PTPRD: variants seen among roughly 807,000 people sequenced by gnomAD.
PTPRD encodes receptor-type tyrosine-protein phosphatase delta.
A neutral mutation model predicts 214.5 loss-of-function variants in PTPRD; 34 were observed. The observed-to-expected ratio is 0.16, with a 90% confidence interval of 0.12 to 0.21. PTPRD has a LOEUF of 0.21. PTPRD is among the 10% of genes least tolerant of loss of function. PTPRD has a pLI of 1.00. For missense variants in PTPRD, 2,545 were observed against 2,398.7 expected, an observed-to-expected ratio of 1.06 and a Z score of -1.27; for synonymous variants, 1,128 against 845.7, an observed-to-expected ratio of 1.33 and a Z score of -5.79.
chr9:9,119,445 T>C (rs2099815532), intron 10 of PTPRD, among the ~76,000 whole-genome samples: 1 of 152,192 alleles, frequency 6.6e-6, no homozygotes. Flanking sequence ...AGATTCATAT[T>C]GAAATCCAGG....
intron 32 of PTPRD, among the ~76,000 whole-genome samples, chr9:8,464,616 G>C (rs1209428129): frequency 1.3e-5 from 2 of 151,960 alleles, no homozygotes; most frequent in Non-Finnish European, 2.9e-5. Context: ...GTCATATTTA[G>C]ACACCGATTA....
chr9:8,392,068 T>C (rs1409893650), intron 36 of PTPRD, among the ~76,000 whole-genome samples: 1 of 152,062 alleles, frequency 6.6e-6, no homozygotes, highest in Non-Finnish European at 1.5e-5. Flanking sequence ...CAGGAATCAA[T>C]ACTATCACTA....
chr9:9,305,521 A>AT (rs1956857956), intron 9 of PTPRD, among the ~76,000 whole-genome samples: 1 of 152,136 alleles, frequency 6.6e-6, no homozygotes, highest in African/African-American at 2.4e-5. Context: ...AATCAGATTG[A>AT]TAAATGCCAT....
chr9:10,212,399 A>G (rs954179183), intron 3 of PTPRD, among the ~76,000 whole-genome samples: 2 of 152,128 alleles, frequency 1.3e-5, no homozygotes, highest in Non-Finnish European at 2.9e-5. Context: ...ATGCTGTTAG[A>G]CCAAAAGAGC....
intron 9 of PTPRD, among the ~76,000 whole-genome samples, chr9:9,214,935 C>T (rs2133057348): frequency 6.6e-6 from 1 of 152,254 alleles, no homozygotes; most frequent in African/African-American, 2.4e-5. Flanking sequence ...AATGGAAGAA[C>T]TAGTATTTGA....
At chr9:10,598,670 ATGTATG>A (rs778677423) in intron 2 of PTPRD, among the ~76,000 whole-genome samples, 8 of 80,998 alleles carry the variant, frequency 9.9e-5, no homozygotes, top group East Asian at 5.2e-4. Context: ...ATTTTTATAT[ATGTATG>A]TGTGTGTGTG....
At chr9:9,909,461 TGA>T (rs1419425418) in intron 5 of PTPRD, among the ~76,000 whole-genome samples, 2 of 123,538 alleles carry the variant, frequency 1.6e-5, no homozygotes, top group African/African-American at 6.7e-5. Context: ...AAATGACAGT[TGA>T]AAAAAAGCAG....
chr9:10,192,269 T>A (rs1389613195), intron 3 of PTPRD, among the ~76,000 whole-genome samples: 1 of 152,002 alleles, frequency 6.6e-6, no homozygotes, highest in Non-Finnish European at 1.5e-5. Flanking sequence ...GCTCACTTAA[T>A]TGCCTGAGAT....
rs1201234827 is a variant in PTPRD, at chr9:10,405,065, A to G, written c.-599-64048T>C. On this transcript the variant is annotated intron_variant, in intron 2 of 45. Transcript: ENST00000381196. The stretch of plus-strand genomic sequence containing the variant: ...CTTCTTGCTTGTGAACAATCAGAAG[A>G]GCAATCTCATCACATGCTTGGATTA... Among the ~76,000 whole-genome samples the G allele has an allele frequency of 1.7e-3, 12 of 6,996 alleles. 5 individuals are homozygous for G. The highest frequency in any genetic ancestry group is 3.0e-3 in the African/African-American group (12 of 3,972). 4.6% of individuals were successfully genotyped at this position (6,996 alleles called of 152,430 possible).
intron 8 of PTPRD, among the ~76,000 whole-genome samples, chr9:9,484,394 G>T (rs1052937736): frequency 2.6e-4 from 39 of 152,050 alleles, no homozygotes; most frequent in Admixed American, 6.6e-5. Flanking sequence ...AAAAGGGAAT[G>T]GGGTATTTTT....
At chr9:8,634,112 G>C (rs1481100294) in intron 13 of PTPRD, among the ~76,000 whole-genome samples, 3 of 151,840 alleles carry the variant, frequency 2.0e-5, no homozygotes, top group Non-Finnish European at 4.4e-5. Flanking sequence ...ATGGAGGCTT[G>C]CTTCACCAGG....
intron 9 of PTPRD, among the ~76,000 whole-genome samples, chr9:9,307,190 C>T (rs765857887): frequency 6.6e-6 from 1 of 152,118 alleles, no homozygotes; most frequent in African/African-American, 2.4e-5. Context: ...TGGCAGTTAG[C>T]TGAAAATTGT....
intron 10 of PTPRD, among the ~76,000 whole-genome samples, chr9:9,125,931 C>G (rs980869798): frequency 1.3e-5 from 2 of 152,098 alleles, no homozygotes; most frequent in Non-Finnish European, 2.9e-5. Flanking sequence ...GCCAAGTGAA[C>G]AGCAAGGGGT....
chr9:10,466,958 C>A (rs542221723), intron 2 of PTPRD, among the ~76,000 whole-genome samples: 7 of 152,302 alleles, frequency 4.6e-5, no homozygotes, highest in African/African-American at 1.4e-4. Flanking sequence ...AGGATGCACT[C>A]TTTTCTAGGA....
intron 2 of PTPRD, among the ~76,000 whole-genome samples, chr9:10,493,327 C>G (rs1346661208): frequency 6.6e-6 from 1 of 152,124 alleles, no homozygotes; most frequent in Non-Finnish European, 1.5e-5. Flanking sequence ...CTGGAGGCAT[C>G]ACCCTACCTG....
intron 7 of PTPRD, among the ~76,000 whole-genome samples, chr9:9,658,592 G>A (rs573837515): frequency 2.5e-4 from 38 of 152,184 alleles, no homozygotes; most frequent in African/African-American, 8.4e-4. Flanking sequence ...TCCCTTCATT[G>A]TTCAGACAGA....
At chr9:9,069,271 TAA>T (rs1254853804) in intron 10 of PTPRD, among the ~76,000 whole-genome samples, 8 of 152,328 alleles carry the variant, frequency 5.3e-5, no homozygotes, top group South Asian at 2.1e-4. Flanking sequence ...TCTTTATTTA[TAA>T]GTCAATGCTT....
intron 12 of PTPRD, among the ~76,000 whole-genome samples, chr9:8,665,827 C>T (rs138943063): frequency 6.6e-6 from 1 of 152,168 alleles, no homozygotes; most frequent in Non-Finnish European, 1.5e-5. Context: ...AAATACTTTA[C>T]TGTAACAGTG....
chr9:10,510,935 T>C (rs541839420), intron 2 of PTPRD, among the ~76,000 whole-genome samples: 2 of 152,150 alleles, frequency 1.3e-5, no homozygotes, highest in Non-Finnish European at 2.9e-5. Context: ...TTCCCACATA[T>C]GACTGGGAAC....
Sources: gnomAD v4.1 joint callset for allele counts (sites outside exome capture counted in the v4.1 genomes callset) on GRCh38, gnomAD v4.1.1 for gene constraint, MANE v1.5 for transcripts, NCBI Gene and HGNC (gene_info 2026-07-23, HGNC 2026-07-21) for gene names.